The following STRA6 variants were observed in gnomAD, a reference collection of about 807,000 sequenced individuals.
The protein encoded by STRA6 is signaling receptor and transporter of retinol STRA6, also known as receptor for retinol uptake STRA6.
Under a neutral mutation model 83.6 loss-of-function variants are expected in STRA6, and 48 were observed. That is an observed-to-expected ratio of 0.57 (90% CI 0.46 to 0.73). STRA6 has a LOEUF of 0.73. Among genes scored for constraint, STRA6 ranks in the 30% least tolerant of loss-of-function variants. The pLI is 0.00. For synonymous variants in STRA6, 353 were observed against 362.3 expected, an observed-to-expected ratio of 0.97 and a Z score of 0.29; for missense variants, 760 against 838.8, an observed-to-expected ratio of 0.91 and a Z score of 1.16.
chr15:74,180,679 A>T, intron 18 of STRA6, 103 bp downstream of exon 18: 1 of 1,489,302 alleles, frequency 6.7e-7, no homozygotes, highest in East Asian at 2.3e-5. Flanking sequence ...AGAGGAAGTG[A>T]GAATTTTCCT....
chr15:74,189,125 C>A lies in STRA6; in HGVS notation c.1080G>T (p.Trp360Cys). The change falls in exon 12 of 19, where the codon TGG (tryptophan) becomes TGT (cysteine). Residue 360 changes from tryptophan (W) to cysteine (C), a missense_variant. By Grantham distance (215) the Trp-to-Cys change is radical (BLOSUM62 -2). Coordinates refer to ENST00000395105, the MANE Select transcript of STRA6 (RefSeq NM_022369.4). ...CCCTGGAGGCCTCACCTTCCAGAGC[C>A]CACAGATGGTGCTTCACCAGCTCCA... ...EVVELVKHHL[W>C]ALEVCYISAL... 1 of 1,614,136 alleles carries A rather than the reference C, an allele frequency of 6.2e-7. No individual in the cohort carries two copies. The highest frequency in any genetic ancestry group is 8.5e-7 in the Non-Finnish European group (1 of 1,180,030).
At chr15:74,197,661 C>T (rs542269177) in intron 3 of STRA6, 91 bp downstream of exon 3, 116 of 1,516,256 alleles carry the variant, frequency 7.7e-5, no homozygotes, top group Middle Eastern at 2.0e-4. Context: ...TCTTCCAGGG[C>T]CCCCCTTCAC....
chr15:74,209,579 T>G, upstream of STRA6: 1 of 730,546 alleles, frequency 1.4e-6, no homozygotes, highest in South Asian at 1.9e-5. Context: ...CCCTCGGAGC[T>G]TTCTCTTCTA....
At chr15:74,199,988 A>C (rs2073984980) in intron 2 of STRA6, among the ~76,000 whole-genome samples, 1 of 152,234 alleles carries the variant, frequency 6.6e-6, no homozygotes, top group South Asian at 2.1e-4. Flanking sequence ...AGACTGAGGC[A>C]GGCAGATCAA....
At chr15:74,199,854 G>A (rs977506247) in intron 2 of STRA6, among the ~76,000 whole-genome samples, 1 of 152,258 alleles carries the variant, frequency 6.6e-6, no homozygotes, top group Non-Finnish European at 1.5e-5. Flanking sequence ...GACAGGCACA[G>A]CAGGTGCTGA....
intron 1 of STRA6, chr15:74,208,092 AC>A (rs2074303895): frequency 1.2e-5 from 14 of 1,193,186 alleles, no homozygotes; most frequent in Non-Finnish European, 1.5e-5. Flanking sequence ...ATGAGGGTGG[AC>A]ACTGGTGAGG....
intron 2 of STRA6, among the ~76,000 whole-genome samples, chr15:74,201,443 C>A (rs2074059136): frequency 6.6e-6 from 1 of 152,090 alleles, no homozygotes; most frequent in Admixed American, 6.5e-5. Context: ...AGGTGGGGGA[C>A]ACAGAAGGGG....
intron 2 of STRA6, among the ~76,000 whole-genome samples, chr15:74,198,997 C>T (rs1326087394): frequency 6.6e-6 from 1 of 152,176 alleles, no homozygotes; most frequent in African/African-American, 2.4e-5. Flanking sequence ...GACTGGGTCC[C>T]TGGTGAGCAG....
At chr15:74,202,803 G>A, upstream of STRA6, 2 of 1,115,996 alleles carry the variant, frequency 1.8e-6, no homozygotes, top group South Asian at 4.2e-5. Context: ...GGCCCTCCCA[G>A]CTGGGCTCCC....
chr15:74,187,627 C>A (rs949304161), intron 12 of STRA6, among the ~76,000 whole-genome samples: 1 of 151,928 alleles, frequency 6.6e-6, no homozygotes, highest in Non-Finnish European at 1.5e-5. Flanking sequence ...GCTCCTTAGG[C>A]GAAGGACAGA....
At position 74,179,955 on chromosome 15, in the gene STRA6, T is replaced by C; in HGVS notation, c.*125A>G. ...CAGACAGACCTCCACCCAACCACAG[T>C]GATCCGGAGGACCTGCTGGCTGCAT... On this transcript the variant is annotated 3_prime_UTR_variant, in exon 19 of 19. Coordinates refer to ENST00000395105, the MANE Select transcript of STRA6 (RefSeq NM_022369.4). 7.5e-7 allele frequency: 1 copy of C among 1,329,908 alleles called. No individual in the cohort carries two copies. The highest frequency in any genetic ancestry group is 1.3e-5 in the South Asian group (1 of 75,414). 82.4% of individuals were successfully genotyped at this position (1,329,908 alleles called of 1,614,324 possible). A position where few individuals can be genotyped will look rare whatever the true frequency, so the allele number is the denominator to read the frequency against.
At chr15:74,197,464 C>T in intron 3 of STRA6, 41 bp from the exon 4 acceptor site, 1 of 1,506,208 alleles carries the variant, frequency 6.6e-7, no homozygotes, top group Non-Finnish European at 9.0e-7. Context: ...GTGCCCAGGC[C>T]TCCCCTGAGG....
chr15:74,209,858 G>A (rs1034749605), upstream of STRA6, among the ~76,000 whole-genome samples: 7 of 152,222 alleles, frequency 4.6e-5, no homozygotes, highest in Admixed American at 3.9e-4. Flanking sequence ...GGGCCAAGAA[G>A]CGGGGCCCTA....
intron 2 of STRA6, among the ~76,000 whole-genome samples, chr15:74,201,242 A>G (rs2074045179): frequency 6.6e-6 from 1 of 152,052 alleles, no homozygotes; most frequent in African/African-American, 2.4e-5. Flanking sequence ...GCACGCAAGG[A>G]TTTTTCCTTC....
intron 1 of STRA6, 51 bp from the exon 2 acceptor site, chr15:74,202,333 G>T: frequency 1.3e-6 from 2 of 1,581,498 alleles, no homozygotes; most frequent in Non-Finnish European, 1.7e-6. Flanking sequence ...GTGAAAAGAG[G>T]CTTAAAAGAG....
chr15:74,194,963 C>T (rs1055953971), intron 7 of STRA6: 12 of 1,432,100 alleles, frequency 8.4e-6, no homozygotes, highest in African/African-American at 5.7e-5. Flanking sequence ...CCCATTCCCT[C>T]TCCAGCCTGA....
At position 74,191,909 on chromosome 15, in the gene STRA6, G is replaced by A. The variant is rs1248721111; in HGVS notation, c.721-418C>T. ...CACAGAAGAGGGTCATTCCAGGTCA[G>A]ACACCCTCAGGCTTCTCCTGCTGCC... On this transcript the variant is annotated intron_variant, in intron 8 of 18. Coordinates refer to ENST00000395105, the MANE Select transcript of STRA6 (RefSeq NM_022369.4). The A allele has an allele frequency of 1.2e-5, 4 of 321,360 alleles. No homozygotes were observed. In the East Asian group the frequency reaches 2.4e-4, roughly 19 times the overall value. The allele number at this position is 321,360 out of a possible 1,614,324, so 19.9% of individuals were successfully genotyped here.
Position 74,189,219 on chromosome 15 carries a change from AC to A in STRA6, c.985del (p.Val329SerfsTer27), listed in dbSNP as rs1595838712. ...VPTIQKVRAG[V>X]TTDVSYLLAG... ...CAGCAGGTAGGAGACATCCGTGGTG[AC>A]CCCTGCCCTCACCTTCTGGATAGTG... On this transcript the variant is annotated frameshift_variant, in exon 12 of 19. Coordinates refer to ENST00000395105, the MANE Select transcript of STRA6 (RefSeq NM_022369.4). LOFTEE classifies it high-confidence loss of function. 5 of 1,611,988 alleles carry A rather than the reference AC, an allele frequency of 3.1e-6. No individual in the cohort carries two copies. Among genetic ancestry groups the A allele is most frequent in the Non-Finnish European group, 4.2e-6 (5 of 1,179,192 alleles).
upstream of STRA6, among the ~76,000 whole-genome samples, chr15:74,211,910 A>G (rs1217964305): frequency 1.4e-5 from 2 of 138,486 alleles, no homozygotes; most frequent in Non-Finnish European, 3.2e-5. Flanking sequence ...TCTCTCTATC[A>G]CTCTCTCTGT....
Sources: allele counts gnomAD v4.1 joint callset (sites outside exome capture counted in the v4.1 genomes callset), GRCh38; gene constraint gnomAD v4.1.1; transcripts MANE v1.5; gene names NCBI Gene and HGNC (gene_info 2026-07-23, HGNC 2026-07-21).